The following CDH13 variants were observed in gnomAD, a reference collection of about 807,000 sequenced individuals.
CDH13 encodes the protein cadherin-13.
A neutral mutation model predicts 63.8 loss-of-function variants in CDH13; 24 were observed. That is an observed-to-expected ratio of 0.38 (90% CI 0.27 to 0.53). The LOEUF is 0.53. Ranked by LOEUF, CDH13 falls within the 20% of genes least tolerant of loss-of-function variation. CDH13 has a pLI of 0.85. For synonymous variants in CDH13, 503 were observed against 355.3 expected (o/e 1.42, Z -4.67); for missense variants, 1,049 against 903.1 (o/e 1.16, Z -2.07).
intron 1 of CDH13, among the ~76,000 whole-genome samples, chr16:82,820,821 T>C (rs2037969893): frequency 6.6e-6 from 1 of 152,210 alleles, no homozygotes; most frequent in Non-Finnish European, 1.5e-5. Flanking sequence ...AAGGTAAATA[T>C]TCCATTTTCT....
intron 2 of CDH13, among the ~76,000 whole-genome samples, chr16:82,932,864 T>C (rs1400268683): frequency 6.6e-6 from 1 of 152,190 alleles, no homozygotes; most frequent in African/African-American, 2.4e-5. Flanking sequence ...TTCTAAACAA[T>C]GAACTTTACT....
chr16:83,488,955 T>G (rs903028116), intron 7 of CDH13, among the ~76,000 whole-genome samples: 1 of 152,114 alleles, frequency 6.6e-6, no homozygotes, highest in Non-Finnish European at 1.5e-5. Context: ...CTGACATATT[T>G]TCTTCTTTTG....
At chr16:83,229,834 C>T (rs1179429962) in intron 5 of CDH13, among the ~76,000 whole-genome samples, 1 of 152,118 alleles carries the variant, frequency 6.6e-6, no homozygotes, top group Non-Finnish European at 1.5e-5. Flanking sequence ...GCATGTGGGA[C>T]CAAACTGAGC....
chr16:82,705,473 C>G (rs573217823), intron 1 of CDH13, among the ~76,000 whole-genome samples: 2 of 152,320 alleles, frequency 1.3e-5, no homozygotes, highest in African/African-American at 4.8e-5. Flanking sequence ...GCATCCGTCC[C>G]CATCTGAATC....
intron 10 of CDH13, among the ~76,000 whole-genome samples, chr16:83,706,265 G>C (rs923951018): frequency 1.3e-5 from 2 of 152,194 alleles, no homozygotes; most frequent in African/African-American, 4.8e-5. Flanking sequence ...CCAAAAGCCA[G>C]CTTGCAGTGG....
chr16:83,071,600 T>C (rs2032443179), intron 3 of CDH13, among the ~76,000 whole-genome samples: 2 of 152,218 alleles, frequency 1.3e-5, no homozygotes, highest in African/African-American at 2.4e-5. Flanking sequence ...GCTTCCCCTG[T>C]GCCACTGGAA....
intron 10 of CDH13, among the ~76,000 whole-genome samples, chr16:83,743,502 T>C (rs1912249286): frequency 6.6e-6 from 1 of 152,132 alleles, no homozygotes; most frequent in African/African-American, 2.4e-5. Flanking sequence ...TACAACAAAA[T>C]TATGGCATCA....
intron 6 of CDH13, among the ~76,000 whole-genome samples, chr16:83,436,646 T>C (rs532767658): frequency 2.0e-5 from 3 of 152,366 alleles, no homozygotes; most frequent in African/African-American, 7.2e-5. Context: ...CTTAGTGCCT[T>C]TTAATGCCTA....
At chr16:82,981,347 A>C (rs931786862) in intron 2 of CDH13, among the ~76,000 whole-genome samples, 1 of 151,944 alleles carries the variant, frequency 6.6e-6, no homozygotes, top group Admixed American at 6.6e-5. Flanking sequence ...TCCAATTTCA[A>C]ATTCTTCCGT....
At chr16:83,013,538 C>T (rs888899129) in intron 2 of CDH13, among the ~76,000 whole-genome samples, 3 of 152,202 alleles carry the variant, frequency 2.0e-5, no homozygotes, top group Non-Finnish European at 4.4e-5. Flanking sequence ...CCCCAATCCT[C>T]ACAAGTGGGA....
intron 10 of CDH13, among the ~76,000 whole-genome samples, chr16:83,714,052 C>A (rs770356470): frequency 3.3e-5 from 5 of 152,160 alleles, no homozygotes; most frequent in Admixed American, 6.5e-5. Context: ...CCATCGCTGG[C>A]CACTGGCCCC....
rs145812976 is a variant in CDH13 at position 83,527,565 on chromosome 16, G to A, written c.960+40910G>A. ...CATCTACCCACAGCATTATAGAAAC[G>A]GCCCAGGGCAACTACATCCGTTTGA... On this transcript the variant is annotated intron_variant, in intron 7 of 13. Coordinates refer to ENST00000567109, the MANE Select transcript of CDH13 (RefSeq NM_001257.5). Among the ~76,000 whole-genome samples the A allele has an allele frequency of 8.2e-3, 1,244 of 152,244 alleles. 13 individuals carry two copies. Among genetic ancestry groups the A allele is most frequent in the African/African-American group, 0.028 (1,157 of 41,556 alleles).
intron 2 of CDH13, among the ~76,000 whole-genome samples, chr16:82,881,685 C>A (rs559031329): frequency 6.6e-6 from 1 of 152,186 alleles, no homozygotes. Context: ...ACAAAGCCAT[C>A]TGGTATCCAT....
chr16:83,233,260 A>G (rs1299649275), intron 5 of CDH13, among the ~76,000 whole-genome samples: 1 of 152,202 alleles, frequency 6.6e-6, no homozygotes, highest in Non-Finnish European at 1.5e-5. Context: ...TGTTTTGCCC[A>G]CAGGCTATGC....
intron 5 of CDH13, among the ~76,000 whole-genome samples, chr16:83,315,546 A>G (rs1473893573): frequency 6.6e-6 from 1 of 152,108 alleles, no homozygotes; most frequent in Non-Finnish European, 1.5e-5. Context: ...CATAAGACCT[A>G]TAGGCACATA....
intron 1 of CDH13, among the ~76,000 whole-genome samples, chr16:82,757,166 C>T (rs1354730191): frequency 6.6e-6 from 1 of 152,182 alleles, no homozygotes; most frequent in Non-Finnish European, 1.5e-5. Flanking sequence ...ATCTACTCTC[C>T]TGTTTGTCTC....
At chr16:82,645,713 C>T (rs2150897433) in intron 1 of CDH13, among the ~76,000 whole-genome samples, 1 of 152,220 alleles carries the variant, frequency 6.6e-6, no homozygotes, top group South Asian at 2.1e-4. Flanking sequence ...GAAGCTGGGG[C>T]TGTGAAAAGA....
intron 5 of CDH13, among the ~76,000 whole-genome samples, chr16:83,305,219 G>T (rs372835729): frequency 2.6e-5 from 4 of 152,276 alleles, no homozygotes; most frequent in African/African-American, 9.6e-5. Flanking sequence ...TCATTTCAGT[G>T]TCAGAAGGAC....
At chr16:82,672,994 G>GTTTTCT (rs1555531923) in intron 1 of CDH13, among the ~76,000 whole-genome samples, 5 of 26,532 alleles carry the variant, frequency 1.9e-4, no homozygotes, top group African/African-American at 8.4e-4. Context: ...TTTTTATAAA[G>GTTTTCT]TTTTCTTTTT....
Sources: gnomAD v4.1 joint callset for allele counts (sites outside exome capture counted in the v4.1 genomes callset) on GRCh38, gnomAD v4.1.1 for gene constraint, MANE v1.5 for transcripts, NCBI Gene and HGNC (gene_info 2026-07-23, HGNC 2026-07-21) for gene names.